Variants in MICU1 observed in about 807,000 individuals in gnomAD.
MICU1 encodes calcium uptake protein 1, mitochondrial.
MICU1 carries 45 observed loss-of-function variants against 56.8 expected under a neutral mutation model. The observed-to-expected ratio is 0.79, with a 90% CI of 0.62 to 1.02. The LOEUF is 1.02. Ranked by LOEUF, MICU1 falls within the 50% of genes least tolerant of loss-of-function variation. The pLI is 0.00. For synonymous variants in MICU1, 186 were observed against 195.1 expected, an observed-to-expected ratio of 0.95 and a Z score of 0.39; for missense variants, 504 against 587.1, an observed-to-expected ratio of 0.86 and a Z score of 1.46.
chr10:72,391,286 G>T (rs988411879), intron 10 of MICU1, among the ~76,000 whole-genome samples: 3 of 152,140 alleles, frequency 2.0e-5, no homozygotes, highest in Non-Finnish European at 2.9e-5. Context: ...ACAAAAATTA[G>T]CTGGGCATGG....
intron 1 of MICU1, among the ~76,000 whole-genome samples, chr10:72,582,384 G>C (rs1410202766): frequency 6.6e-6 from 1 of 152,170 alleles, no homozygotes; most frequent in Non-Finnish European, 1.5e-5. Context: ...AGATGAACAA[G>C]ACATAGTCTT....
chr10:72,477,114 G>A, intron 7 of MICU1, 60 bp downstream of exon 7: 2 of 1,300,300 alleles, frequency 1.5e-6, no homozygotes, highest in Admixed American at 2.6e-5. Context: ...TAACTCCAAG[G>A]CACATGAAAA....
chr10:72,493,165 T>G (rs144244593), intron 6 of MICU1, among the ~76,000 whole-genome samples: 1 of 152,166 alleles, frequency 6.6e-6, no homozygotes, highest in African/African-American at 2.4e-5. Context: ...CAAAAAATAA[T>G]AAGATGTATA....
intron 1 of MICU1, among the ~76,000 whole-genome samples, chr10:72,602,745 G>A (rs1332691450): frequency 3.3e-5 from 5 of 152,124 alleles, no homozygotes; most frequent in Non-Finnish European, 7.4e-5. Flanking sequence ...TTTTAAATAA[G>A]AGCTCTAAAT....
At chr10:72,415,979 G>A (rs1385674585) in intron 9 of MICU1, among the ~76,000 whole-genome samples, 1 of 152,080 alleles carries the variant, frequency 6.6e-6, no homozygotes, top group Non-Finnish European at 1.5e-5. Context: ...TACCAAGCAG[G>A]TAGATACACA....
chr10:72,553,169 G>A (rs1840076890), intron 3 of MICU1, among the ~76,000 whole-genome samples: 1 of 152,008 alleles, frequency 6.6e-6, no homozygotes, highest in African/African-American at 2.4e-5. Context: ...AAGTTTTGAA[G>A]GCATTTTATA....
chr10:72,447,910 C>T (rs1341177497), intron 8 of MICU1, among the ~76,000 whole-genome samples: 1 of 151,958 alleles, frequency 6.6e-6, no homozygotes, highest in African/African-American at 2.4e-5. Context: ...CACTAAAAAC[C>T]TACATTTTGA....
At chr10:72,449,441 T>A (rs1428213834) in intron 8 of MICU1, among the ~76,000 whole-genome samples, 1 of 152,140 alleles carries the variant, frequency 6.6e-6, no homozygotes, top group Non-Finnish European at 1.5e-5. Context: ...TCTCACTATG[T>A]TGCCCAGGCT....
intron 1 of MICU1, among the ~76,000 whole-genome samples, chr10:72,574,125 C>A (rs1840683643): frequency 6.6e-6 from 1 of 152,104 alleles, no homozygotes; most frequent in South Asian, 2.1e-4. Context: ...TACTATTAAC[C>A]AACTATTACC....
At chr10:72,507,510 G>A (rs1867293232) in intron 6 of MICU1, among the ~76,000 whole-genome samples, 2 of 152,144 alleles carry the variant, frequency 1.3e-5, no homozygotes, top group South Asian at 2.1e-4. Context: ...CTTTAGTGGA[G>A]GAAATGATAG....
intron 4 of MICU1, among the ~76,000 whole-genome samples, chr10:72,534,998 CCTCT>C (rs1225214677): frequency 3.7e-5 from 2 of 53,470 alleles, no homozygotes; most frequent in African/African-American, 6.6e-5. Flanking sequence ...TGCCTATCTC[CCTCT>C]ATTTTTTATT....
At chr10:72,514,934 G>T (rs1487365132) in intron 5 of MICU1, among the ~76,000 whole-genome samples, 3 of 152,092 alleles carry the variant, frequency 2.0e-5, no homozygotes, top group Non-Finnish European at 4.4e-5. Flanking sequence ...TTGTCTGCTT[G>T]TCCCAGCTGC....
intron 6 of MICU1, among the ~76,000 whole-genome samples, chr10:72,478,228 G>C (rs529013575): frequency 1.3e-5 from 2 of 152,214 alleles, no homozygotes; most frequent in Admixed American, 1.3e-4. Context: ...TACTTAAATG[G>C]TAAAATTAAG....
chr10:72,506,785 G>A (rs755946932), intron 6 of MICU1, among the ~76,000 whole-genome samples: 1 of 152,272 alleles, frequency 6.6e-6, no homozygotes, highest in South Asian at 2.1e-4. Flanking sequence ...AGAAATGGTG[G>A]GGCTGGGATC....
chr10:72,396,492 GC>G (rs1863265894), intron 10 of MICU1, among the ~76,000 whole-genome samples: 1 of 152,208 alleles, frequency 6.6e-6, no homozygotes, highest in African/African-American at 2.4e-5. Flanking sequence ...ACTTCTCTGA[GC>G]TAAAGGATGT....
chr10:72,382,174 G>A (rs1187011062), intron 10 of MICU1, among the ~76,000 whole-genome samples: 1 of 151,490 alleles, frequency 6.6e-6, no homozygotes, highest in Non-Finnish European at 1.5e-5. Flanking sequence ...GCAGTGGTGC[G>A]ATCTCGGCTC....
At position 72,456,987 on chromosome 10, in the gene MICU1, T is replaced by G. The variant is rs1010342111; in HGVS notation, c.933+18113A>C. ...TGTGTGTGTGTGTGTGTGTGTGTGT[T>G]TTGTTTGTTTGTTTTTGGTAGAAAC... On this transcript the variant is annotated intron_variant, in intron 8 of 11. Transcript: ENST00000361114. Among the ~76,000 whole-genome samples the G allele has an allele frequency of 5.3e-5, 7 of 133,190 alleles. No homozygotes were observed. The East Asian group carries it at 1.7e-3, about 32-fold the overall frequency. The allele number at this position is 133,190 out of a possible 152,430, so 87.4% of individuals were successfully genotyped here.
At chr10:72,397,621 G>C (rs1211051409) in intron 10 of MICU1, among the ~76,000 whole-genome samples, 1 of 152,150 alleles carries the variant, frequency 6.6e-6, no homozygotes, top group Non-Finnish European at 1.5e-5. Flanking sequence ...AAAAAAAGCA[G>C]TGGTTGCAAC....
chr10:72,413,882 A>G (rs1863901920), intron 9 of MICU1, among the ~76,000 whole-genome samples: 1 of 152,256 alleles, frequency 6.6e-6, no homozygotes, highest in Non-Finnish European at 1.5e-5. Context: ...AGTACATGAA[A>G]CAATGCTTAG....
Sources: gnomAD v4.1 joint callset for allele counts (sites outside exome capture counted in the v4.1 genomes callset) on GRCh38, gnomAD v4.1.1 for gene constraint, MANE v1.5 for transcripts, NCBI Gene and HGNC (gene_info 2026-07-23, HGNC 2026-07-21) for gene names.